Variants in MRPL39 observed in about 807,000 individuals in gnomAD.
The protein encoded by MRPL39 is large ribosomal subunit protein mL39.
A neutral mutation model predicts 44.5 loss-of-function variants in MRPL39; 35 were observed. That is an observed-to-expected ratio of 0.79 (90% confidence interval 0.60 to 1.04). The LOEUF is 1.04. MRPL39 is among the 50% of genes least tolerant of loss of function. MRPL39 has a pLI of 0.00. For missense variants in MRPL39, 433 were observed against 413.5 expected, an observed-to-expected ratio of 1.05 and a Z score of -0.41; for synonymous variants, 139 against 136.1, an observed-to-expected ratio of 1.02 and a Z score of -0.15.
At chr21:25,607,629 C>G (rs1259912605), upstream of MRPL39, 6 of 743,084 alleles carry the variant, frequency 8.1e-6, no homozygotes, top group Non-Finnish European at 1.3e-5. Flanking sequence ...GCTGGGGATT[C>G]AGTGGCTGAG....
chr21:25,605,568 C>T (rs568060979), intron 2 of MRPL39, among the ~76,000 whole-genome samples: 1 of 152,122 alleles, frequency 6.6e-6, no homozygotes, highest in Non-Finnish European at 1.5e-5. Flanking sequence ...CCATGGCAAT[C>T]CCTTTACACC....
At chr21:25,585,882 GAA>G in intron 9 of MRPL39, 128 bp from the exon 10 acceptor site, 1 of 633,650 alleles carries the variant, frequency 1.6e-6, no homozygotes, top group Non-Finnish European at 2.7e-6. Context: ...TAGTAGAATA[GAA>G]AGTTAGGTAA....
At chr21:25,604,739 A>G (rs1358200665) in intron 2 of MRPL39, among the ~76,000 whole-genome samples, 4 of 152,262 alleles carry the variant, frequency 2.6e-5, no homozygotes, top group Non-Finnish European at 2.9e-5. Context: ...GGTCTAAATT[A>G]TCAACCACTA....
rs543758167 is a variant in MRPL39 at position 25,585,855 on chromosome 21, T to G, written c.970-101A>C. On this transcript the variant is annotated intron_variant, in intron 9 of 9. Transcript: ENST00000352957. ...TCCACAGCCCTCTTATAATGACCCTTTATCTTTCCCCTTAAATAGTAGAAT... is the reference window on the plus strand; with the variant it reads ...TCCACAGCCCTCTTATAATGACCCTGTATCTTTCCCCTTAAATAGTAGAAT... 13 of 771,422 alleles carry G rather than the reference T, an allele frequency of 1.7e-5. 1 individual carries two copies. The highest frequency in any genetic ancestry group is 1.2e-4 in the Admixed American group (5 of 40,266). The allele number at this position is 771,422 out of a possible 1,614,324, so 47.8% of individuals were successfully genotyped here. A position where few individuals can be genotyped will look rare whatever the true frequency, so the allele number is the denominator to read the frequency against.
intron 6 of MRPL39, among the ~76,000 whole-genome samples, chr21:25,596,101 T>A (rs957902749): frequency 6.3e-5 from 9 of 143,804 alleles, no homozygotes; most frequent in African/African-American, 1.5e-4. Context: ...TGAGTAAAAA[T>A]TTTTTTTTTT....
At chr21:25,593,129 A>G (rs974995385) in intron 7 of MRPL39, among the ~76,000 whole-genome samples, 164 bp from the exon 8 acceptor site, 2 of 152,194 alleles carry the variant, frequency 1.3e-5, no homozygotes, top group African/African-American at 2.4e-5. Flanking sequence ...GATCTCAAGT[A>G]AAGAGGCTAA....
rs537938767 is a variant in MRPL39, at chr21:25,589,762, A to G, written c.922-880T>C. Among the ~76,000 whole-genome samples, 19 of 152,372 alleles carry G rather than the reference A, an allele frequency of 1.2e-4. 1 individual carries two copies. Among genetic ancestry groups the G allele is most frequent in the African/African-American group, 4.3e-4 (18 of 41,596 alleles). ...CTATAATAAAAGGTAAAATTAATAAATATCAACATACAAACCCTTCCAGGG... is the reference window on the plus strand; with the variant it reads ...CTATAATAAAAGGTAAAATTAATAAGTATCAACATACAAACCCTTCCAGGG... On this transcript the variant is annotated intron_variant, in intron 8 of 9. Coordinates refer to ENST00000352957, the MANE Select transcript of MRPL39 (RefSeq NM_017446.4).
At chr21:25,603,988 C>G in intron 2 of MRPL39, 53 bp from the exon 3 acceptor site, 1 of 1,514,422 alleles carries the variant, frequency 6.6e-7, no homozygotes, top group Non-Finnish European at 9.0e-7. Flanking sequence ...TGAAAAGTTA[C>G]ATGTTTAAGT....
intron 4 of MRPL39, among the ~76,000 whole-genome samples, chr21:25,600,226 T>A (rs1232088819): frequency 1.3e-5 from 2 of 151,772 alleles, no homozygotes; most frequent in Non-Finnish European, 2.9e-5. Context: ...TAAAACCCCA[T>A]CTCTACCAGA....
intron 8 of MRPL39, among the ~76,000 whole-genome samples, chr21:25,590,135 G>T (rs1413416676): frequency 6.6e-6 from 1 of 152,216 alleles, no homozygotes; most frequent in Non-Finnish European, 1.5e-5. Context: ...TTGGATAAGG[G>T]AAGTAGTAGT....
chr21:25,598,438 T>TAA (rs780003224), intron 5 of MRPL39, among the ~76,000 whole-genome samples: 16 of 95,920 alleles, frequency 1.7e-4, no homozygotes, highest in African/African-American at 4.1e-4. Context: ...CCCATCTCTT[T>TAA]AAAAAAAAAA....
chr21:25,586,106 T>C (rs750773120), intron 9 of MRPL39, among the ~76,000 whole-genome samples: 2 of 152,242 alleles, frequency 1.3e-5, no homozygotes. Flanking sequence ...TTTTGGAGTA[T>C]AATTCCATTT....
At chr21:25,589,672 T>G (rs1433801437) in intron 8 of MRPL39, among the ~76,000 whole-genome samples, 1 of 152,204 alleles carries the variant, frequency 6.6e-6, no homozygotes. Flanking sequence ...TTAGGTCAAC[T>G]GAAAGTGGTA....
In MRPL39 at chr21:25,602,277, G is replaced by A. The variant is rs1042955697; in HGVS notation, c.421-810C>T. 4.6e-5 allele frequency among the ~76,000 whole-genome samples: 7 copies of A among 152,180 alleles called. 1 individual carries two copies. Among genetic ancestry groups the A allele is most frequent in the African/African-American group, 1.4e-4 (6 of 41,442 alleles). On this transcript the variant is annotated intron_variant, in intron 3 of 9. Transcript: ENST00000352957. ...GTCTCTAAATGTCTGTTGAACTCCA[G>A]TCAGAATGCCTAGGTTCAAATCTGG...
intron 3 of MRPL39, among the ~76,000 whole-genome samples, chr21:25,603,039 C>T (rs1169829853): frequency 4.6e-5 from 7 of 152,268 alleles, no homozygotes; most frequent in Non-Finnish European, 1.0e-4. Context: ...TCTCTCTTGC[C>T]TCCATGTAAG....
chr21:25,593,390 G>A (rs1035219701), intron 7 of MRPL39, among the ~76,000 whole-genome samples: 3 of 152,232 alleles, frequency 2.0e-5, no homozygotes, highest in Non-Finnish European at 4.4e-5. Flanking sequence ...AGGAGGCTGA[G>A]AAAATGGATC....
At chr21:25,587,039 C>G (rs963922472) in intron 9 of MRPL39, among the ~76,000 whole-genome samples, 1 of 152,176 alleles carries the variant, frequency 6.6e-6, no homozygotes, top group East Asian at 1.9e-4. Context: ...CACGTTTAAT[C>G]TAATCCCTTC....
At position 25,593,966 on chromosome 21, in the gene MRPL39, G is replaced by A; in HGVS notation, c.702-8C>T. On this transcript the variant is annotated splice_polypyrimidine_tract_variant and splice_region_variant and intron_variant, in intron 6 of 9. Coordinates refer to ENST00000352957, the MANE Select transcript of MRPL39 (RefSeq NM_017446.4). ...ATGAAATCTACTTTGTACCTGAAAA[G>A]CAGCAAAGAAAAAAACATTTTTTTA... 1 of 1,611,118 alleles carries A rather than the reference G, an allele frequency of 6.2e-7. No homozygotes were observed. Among genetic ancestry groups the A allele is most frequent in the South Asian group, 1.1e-5 (1 of 90,822 alleles).
At chr21:25,597,673 T>A (rs2031401343) in intron 5 of MRPL39, among the ~76,000 whole-genome samples, 1 of 152,052 alleles carries the variant, frequency 6.6e-6, no homozygotes, top group Non-Finnish European at 1.5e-5. Context: ...ATACAGAAAT[T>A]TTATCCAAAT....
Sources: allele counts gnomAD v4.1 joint callset (sites outside exome capture counted in the v4.1 genomes callset), GRCh38; gene constraint gnomAD v4.1.1; transcripts MANE v1.5; gene names NCBI Gene and HGNC (gene_info 2026-07-23, HGNC 2026-07-21).